The following PIP5K1B variants were observed in gnomAD, a reference collection of about 807,000 sequenced individuals.
PIP5K1B encodes the protein phosphatidylinositol 4-phosphate 5-kinase type-1 beta.
A neutral mutation model predicts 67.0 loss-of-function variants in PIP5K1B; 42 were observed. That is an observed-to-expected ratio of 0.63 (90% CI 0.49 to 0.81). The LOEUF (loss-of-function observed/expected upper bound fraction) is 0.81. Ranked by LOEUF, PIP5K1B falls within the 30% of genes least tolerant of loss-of-function variation. The pLI is 0.00. For synonymous variants in PIP5K1B, 214 were observed against 231.4 expected (o/e 0.92, Z 0.68); for missense variants, 459 against 646.3 (o/e 0.71, Z 3.14).
At chr9:68,715,653 C>T (rs1002426366) in intron 1 of PIP5K1B, among the ~76,000 whole-genome samples, 1 of 152,174 alleles carries the variant, frequency 6.6e-6, no homozygotes, top group Non-Finnish European at 1.5e-5. Context: ...GGGCCCATTG[C>T]ATCCCCATAG....
chr9:68,837,378 A>C (rs1834669240), intron 4 of PIP5K1B, among the ~76,000 whole-genome samples: 1 of 152,226 alleles, frequency 6.6e-6, no homozygotes. Context: ...CTGCTCCTTT[A>C]AAAATGTTTT....
chr9:68,756,323 T>TA (rs1829923069), intron 2 of PIP5K1B, among the ~76,000 whole-genome samples: 1 of 152,282 alleles, frequency 6.6e-6, no homozygotes, highest in South Asian at 2.1e-4. Flanking sequence ...AAATTGCTTA[T>TA]ATTCTTATTT....
intron 8 of PIP5K1B, among the ~76,000 whole-genome samples, chr9:68,908,843 T>G (rs1017055036): frequency 1.3e-5 from 2 of 152,182 alleles, no homozygotes; most frequent in African/African-American, 4.8e-5. Context: ...CATTATTGAA[T>G]TAACAAAAAT....
chr9:68,973,004 C>T (rs895164315), intron 14 of PIP5K1B, among the ~76,000 whole-genome samples: 1 of 152,208 alleles, frequency 6.6e-6, no homozygotes, highest in Non-Finnish European at 1.5e-5. Flanking sequence ...TTATTTACAT[C>T]AACCCTGTTG....
chr9:68,749,773 G>A (rs1170550009), intron 2 of PIP5K1B, among the ~76,000 whole-genome samples: 1 of 152,150 alleles, frequency 6.6e-6, no homozygotes, highest in Non-Finnish European at 1.5e-5. Context: ...AGGATGTTCA[G>A]CGGCATTCCT....
chr9:68,829,092 ACT>A (rs1481949123), intron 4 of PIP5K1B, among the ~76,000 whole-genome samples: 1 of 152,204 alleles, frequency 6.6e-6, no homozygotes, highest in African/African-American at 2.4e-5. Flanking sequence ...ACAGAGCAAG[ACT>A]CTGGCTCAAA....
At chr9:68,793,705 C>T (rs1045239924) in intron 2 of PIP5K1B, among the ~76,000 whole-genome samples, 4 of 152,030 alleles carry the variant, frequency 2.6e-5, no homozygotes, top group Non-Finnish European at 5.9e-5. Flanking sequence ...CTGAGTTTTG[C>T]ATACGTTAAG....
chr9:68,879,461 G>A (rs908779564), intron 6 of PIP5K1B, among the ~76,000 whole-genome samples: 6 of 152,146 alleles, frequency 3.9e-5, no homozygotes, highest in African/African-American at 4.8e-5. Flanking sequence ...CCAGCTACTC[G>A]GGAGGCTGAG....
intron 2 of PIP5K1B, among the ~76,000 whole-genome samples, chr9:68,773,682 T>C (rs2132430134): frequency 6.6e-6 from 1 of 152,346 alleles, no homozygotes; most frequent in East Asian, 1.9e-4. Context: ...TGATGCCTTT[T>C]CACTTTATCA....
At chr9:68,879,001 A>T (rs1368564220) in intron 6 of PIP5K1B, among the ~76,000 whole-genome samples, 1 of 152,200 alleles carries the variant, frequency 6.6e-6, no homozygotes, top group Non-Finnish European at 1.5e-5. Flanking sequence ...GAGAGTTTTT[A>T]TCAGGAACAT....
At chr9:68,974,436 C>T (rs1587745227) in intron 14 of PIP5K1B, among the ~76,000 whole-genome samples, 2 of 152,170 alleles carry the variant, frequency 1.3e-5, no homozygotes, top group South Asian at 4.1e-4. Flanking sequence ...CACGCCTAGC[C>T]TTGATCCTTA....
At chr9:68,939,793 C>T (rs1827467119) in intron 13 of PIP5K1B, among the ~76,000 whole-genome samples, 2 of 152,158 alleles carry the variant, frequency 1.3e-5, no homozygotes. Flanking sequence ...CTGTTAGGGT[C>T]GGTTTATATT....
At chr9:68,984,755 C>T (rs1420420905) in intron 14 of PIP5K1B, among the ~76,000 whole-genome samples, 1 of 152,176 alleles carries the variant, frequency 6.6e-6, no homozygotes, top group Non-Finnish European at 1.5e-5. Flanking sequence ...CAAAGATCTC[C>T]ACAGCTAACA....
intron 2 of PIP5K1B, among the ~76,000 whole-genome samples, chr9:68,769,433 A>G (rs1183351456): frequency 1.3e-5 from 2 of 152,148 alleles, no homozygotes; most frequent in South Asian, 2.1e-4. Flanking sequence ...CAGTAGCATT[A>G]ATTGCATTTT....
intron 1 of PIP5K1B, among the ~76,000 whole-genome samples, chr9:68,716,172 G>A (rs1827624748): frequency 6.6e-6 from 1 of 152,218 alleles, no homozygotes; most frequent in South Asian, 2.1e-4. Flanking sequence ...AAAGAATATG[G>A]ACATGCAGTT....
At chr9:68,792,460 T>C (rs1832028279) in intron 2 of PIP5K1B, among the ~76,000 whole-genome samples, 1 of 66,426 alleles carries the variant, frequency 1.5e-5, no homozygotes, top group Non-Finnish European at 3.0e-5. Flanking sequence ...ATGTGTTTTT[T>C]TGTTGTTGTT....
intron 1 of PIP5K1B, among the ~76,000 whole-genome samples, chr9:68,713,139 C>T (rs1343406166): frequency 6.6e-6 from 1 of 152,210 alleles, no homozygotes; most frequent in Non-Finnish European, 1.5e-5. Flanking sequence ...TGGCTCACAA[C>T]TATAATCCCA....
At chr9:68,829,011 A>C (rs1834141727) in intron 4 of PIP5K1B, among the ~76,000 whole-genome samples, 1 of 152,222 alleles carries the variant, frequency 6.6e-6, no homozygotes, top group Admixed American at 6.5e-5. Flanking sequence ...CTGACACAGG[A>C]GAATCACTTG....
In PIP5K1B at chr9:68,872,386, A is replaced by G. The variant is rs192352363; in HGVS notation, c.201-4291A>G. ...CATTTCCTTCACTAGAGCTTCATTCATGTCAAGCTGGTATTTGTTATTCAT... is the reference window on the plus strand; with the variant it reads ...CATTTCCTTCACTAGAGCTTCATTCGTGTCAAGCTGGTATTTGTTATTCAT... On this transcript the variant is annotated intron_variant, in intron 5 of 15. Coordinates refer to ENST00000265382, the MANE Select transcript of PIP5K1B (RefSeq NM_003558.4). 5.4e-3 allele frequency among the ~76,000 whole-genome samples: 825 copies of G among 152,340 alleles called. 8 individuals are homozygous for G. The highest frequency in any genetic ancestry group is 6.0e-3 in the Non-Finnish European group (407 of 68,028).
Sources: gnomAD v4.1 joint callset for allele counts (sites outside exome capture counted in the v4.1 genomes callset) on GRCh38, gnomAD v4.1.1 for gene constraint, MANE v1.5 for transcripts, NCBI Gene and HGNC (gene_info 2026-07-23, HGNC 2026-07-21) for gene names.